Variants in SOCS2 observed in about 807,000 individuals in gnomAD.
SOCS2 encodes the protein suppressor of cytokine signaling 2.
Under a neutral mutation model 18.6 loss-of-function variants are expected in SOCS2, and 10 were observed. That is an observed-to-expected ratio of 0.54 (90% CI 0.33 to 0.91). SOCS2 has a LOEUF of 0.91. SOCS2 is among the 40% of genes least tolerant of loss of function. SOCS2 has a pLI of 0.02. For missense variants in SOCS2, 231 were observed against 247.2 expected, an observed-to-expected ratio of 0.93 and a Z score of 0.44; for synonymous variants, 104 against 104.0, an observed-to-expected ratio of 1.00 and a Z score of 0.00.
At chr12:93,612,660 T>C in the SOCS2 span, among the ~76,000 whole-genome samples, 1 of 152,276 alleles carries the variant, frequency 6.6e-6, no homozygotes, top group African/African-American at 2.4e-5. Context: ...AATTGTATTG[T>C]TTTTTTCCAA....
chr12:93,573,162 G>T (rs1193165933), intron 1 of SOCS2, 126 bp downstream of exon 1: 2 of 1,256,252 alleles, frequency 1.6e-6, no homozygotes, highest in Admixed American at 4.3e-5. Context: ...CCAAGGGACC[G>T]CGGAGAGCAC....
the SOCS2 span, among the ~76,000 whole-genome samples, chr12:93,592,882 C>T: frequency 6.8e-6 from 1 of 145,998 alleles, no homozygotes; most frequent in East Asian, 2.0e-4. Flanking sequence ...TCATAGACAG[C>T]TGTCTTTAAA....
downstream of SOCS2, among the ~76,000 whole-genome samples, chr12:93,587,541 C>T (rs1470130350): frequency 2.0e-5 from 3 of 151,538 alleles, no homozygotes; most frequent in South Asian, 2.1e-4. Context: ...AGTAGCCGGG[C>T]GTGGTGGCAC....
intron 1 of SOCS2, chr12:93,574,078 C>T (rs1954370028): frequency 6.6e-6 from 1 of 152,084 alleles, no homozygotes; most frequent in Admixed American, 6.5e-5. Context: ...ATTCCCATTT[C>T]TTAGTGACTG....
At chr12:93,624,714 A>G in the SOCS2 span, among the ~76,000 whole-genome samples, 1 of 152,244 alleles carries the variant, frequency 6.6e-6, no homozygotes, top group African/African-American at 2.4e-5. Flanking sequence ...GTGATACATG[A>G]ATGCTGCAGG....
chr12:93,598,558 A>G, the SOCS2 span, among the ~76,000 whole-genome samples: 1 of 152,232 alleles, frequency 6.6e-6, no homozygotes, highest in Non-Finnish European at 1.5e-5. Flanking sequence ...GATACCTTCT[A>G]TTAAGATAGA....
downstream of SOCS2, among the ~76,000 whole-genome samples, chr12:93,581,229 A>C (rs1432571541): frequency 6.6e-6 from 1 of 152,242 alleles, no homozygotes; most frequent in East Asian, 1.9e-4. Flanking sequence ...CCACAGAAAT[A>C]GGCAGATGCT....
chr12:93,604,330 T>TA, the SOCS2 span, among the ~76,000 whole-genome samples: 2 of 152,296 alleles, frequency 1.3e-5, no homozygotes, highest in East Asian at 1.9e-4. Context: ...AATGCCTATT[T>TA]AAAAAAATTA....
chr12:93,606,906 G>A, the SOCS2 span, among the ~76,000 whole-genome samples: 4 of 152,266 alleles, frequency 2.6e-5, no homozygotes, highest in African/African-American at 9.6e-5. Context: ...ACATGCCTTG[G>A]CCTCCCAAAA....
the SOCS2 span, among the ~76,000 whole-genome samples, chr12:93,595,950 T>G: frequency 6.6e-6 from 1 of 152,116 alleles, no homozygotes; most frequent in Non-Finnish European, 1.5e-5. Context: ...CAGTAGCAAA[T>G]AGAGGGCAAA....
chr12:93,614,419 TC>T, the SOCS2 span, among the ~76,000 whole-genome samples: 2 of 99,458 alleles, frequency 2.0e-5, no homozygotes, highest in African/African-American at 7.9e-5. Context: ...CTTTCTTTCT[TC>T]CTTTCTTTCC....
At chr12:93,598,706 A>C in the SOCS2 span, among the ~76,000 whole-genome samples, 1 of 152,244 alleles carries the variant, frequency 6.6e-6, no homozygotes, top group South Asian at 2.1e-4. Flanking sequence ...AGTACAGTAT[A>C]ACAAATTTTC....
Position 93,575,230 on chromosome 12 carries a change from C to A in SOCS2, c.*51C>A. Reference sequence around the variant, plus strand: ...TCACATAGAGTATCTCCGAATGCAGCTATGTAAAAGAGAACCAAAACTTGA... The same window carrying A: ...TCACATAGAGTATCTCCGAATGCAGATATGTAAAAGAGAACCAAAACTTGA... On this transcript the variant is annotated 3_prime_UTR_variant, in exon 2 of 2. Transcript: ENST00000551556. 7.3e-7 allele frequency: 1 copy of A among 1,372,572 alleles called. No homozygotes were observed. The highest frequency in any genetic ancestry group is 9.8e-7 in the Non-Finnish European group (1 of 1,022,558). The allele number at this position is 1,372,572 out of a possible 1,614,324, so 85.0% of individuals were successfully genotyped here.
the SOCS2 span, among the ~76,000 whole-genome samples, chr12:93,589,999 A>T: frequency 1.2e-4 from 19 of 152,154 alleles, no homozygotes; most frequent in South Asian, 8.3e-4. Flanking sequence ...CACGCCTGTA[A>T]TCCCAGCACT....
exon 2 of SOCS2, chr12:93,583,294 T>C (rs1308585711): frequency 6.6e-6 from 1 of 152,144 alleles, no homozygotes; most frequent in Non-Finnish European, 1.5e-5. Context: ...ATAGGGTGTG[T>C]TTTTGCAAGT....
At chr12:93,616,743 G>T in the SOCS2 span, among the ~76,000 whole-genome samples, 1 of 152,200 alleles carries the variant, frequency 6.6e-6, no homozygotes, top group Non-Finnish European at 1.5e-5. Context: ...AGGCCATGGG[G>T]TAATGAAAGG....
At chr12:93,600,372 T>C in the SOCS2 span, among the ~76,000 whole-genome samples, 4 of 152,090 alleles carry the variant, frequency 2.6e-5, no homozygotes. Context: ...TGCCATTCTT[T>C]TGTAATTACT....
the SOCS2 span, among the ~76,000 whole-genome samples, chr12:93,589,595 G>C: frequency 6.6e-6 from 1 of 152,170 alleles, no homozygotes; most frequent in Admixed American, 6.5e-5. Context: ...GTTCTTGGCA[G>C]CAGTGGTTGA....
rs1954447799 is a variant in SOCS2, at chr12:93,575,856, A to G, written c.*677A>G. On this transcript the variant is annotated 3_prime_UTR_variant, in exon 2 of 2. Transcript: ENST00000551556. Reference sequence around the variant, plus strand: ...AATATTTCAAACTGGTGCAAATGGAAAAGACTTTCTCTTTTCCTTTAAAGC... The same window carrying G: ...AATATTTCAAACTGGTGCAAATGGAGAAGACTTTCTCTTTTCCTTTAAAGC... 1 of 152,656 alleles carries G rather than the reference A, an allele frequency of 6.6e-6. No individual in the cohort carries two copies. Among genetic ancestry groups the G allele is most frequent in the Non-Finnish European group, 1.5e-5 (1 of 68,046 alleles). The allele number at this position is 152,656 out of a possible 1,614,324, so 9.5% of individuals were successfully genotyped here.
Sources: gnomAD v4.1 joint callset for allele counts (sites outside exome capture counted in the v4.1 genomes callset) on GRCh38, gnomAD v4.1.1 for gene constraint, MANE v1.5 for transcripts, NCBI Gene and HGNC (gene_info 2026-07-23, HGNC 2026-07-21) for gene names.